The following MYL5 variants were observed in gnomAD, a reference collection of about 807,000 sequenced individuals.
The protein encoded by MYL5 is myosin regulatory light chain 5.
Under a neutral mutation model 20.8 loss-of-function variants are expected in MYL5, and 28 were observed. That is an observed-to-expected ratio of 1.35 (90% CI 1.00 to 1.84). The LOEUF (loss-of-function observed/expected upper bound fraction) is 1.84, where lower values mean the gene tolerates loss of function less well. MYL5 is among the 40% of genes most tolerant of loss of function. The pLI, the probability that MYL5 is intolerant of heterozygous loss-of-function variation, is 0.00. For synonymous variants in MYL5, 118 were observed against 87.4 expected (o/e 1.35, Z -1.95); for missense variants, 274 against 227.3 (o/e 1.21, Z -1.32).
chr4:677,894 TG>T, upstream of MYL5: 2 of 1,504,254 alleles, frequency 1.3e-6, no homozygotes, highest in Non-Finnish European at 1.8e-6. Context: ...TCCAGTCCCC[TG>T]GGGTAGCCCC....
chr4:681,173 A>AG (rs1386823863), intron 6 of MYL5, 33 bp downstream of exon 8: 2 of 1,592,032 alleles, frequency 1.3e-6, no homozygotes, highest in South Asian at 1.1e-5. Context: ...CAAGCCCACG[A>AG]GGGGAGGGCG....
upstream of MYL5, chr4:677,889 T>A (rs766859920): frequency 2.7e-6 from 4 of 1,459,084 alleles, no homozygotes. Flanking sequence ...AGCTGTCCAG[T>A]CCCCTGGGGT....
rs552759390 is a variant in MYL5 at position 680,912 on chromosome 4, C to A, written c.372-180C>A. The A allele has an allele frequency of 3.0e-4, 215 of 723,406 alleles. 1 individual carries two copies. The highest frequency in any genetic ancestry group is 1.6e-3 in the East Asian group (58 of 37,088). 44.8% of individuals were successfully genotyped at this position (723,406 alleles called of 1,614,324 possible). On this transcript the variant is annotated intron_variant, in intron 5 of 6. Coordinates refer to ENST00000400159, the Ensembl canonical transcript of MYL5. ...GCTCTGTCCCCATCAGCGGCTCCCC[C>A]AGAAGTGATGGCCCCTGAGTGTGTG... is the stretch of plus-strand genomic sequence containing the variant.
intron 4 of MYL5, 50 bp from the exon 7 acceptor site, chr4:680,459 C>A (rs1739346212): frequency 6.3e-7 from 1 of 1,589,804 alleles, no homozygotes; most frequent in African/African-American, 1.3e-5. Flanking sequence ...CCTTGGCAGC[C>A]ACGGGACTGC....
upstream of MYL5, chr4:675,867 T>C (rs1380123563): frequency 6.6e-6 from 1 of 152,286 alleles, no homozygotes. Flanking sequence ...GAGAATCTAA[T>C]GCCTGATGAA....
At chr4:680,363 A>G (rs1739332590) in intron 4 of MYL5, 146 bp from the exon 7 acceptor site, 1 of 857,100 alleles carries the variant, frequency 1.2e-6, no homozygotes, top group Non-Finnish European at 1.9e-6. Context: ...AGGAAAGGAG[A>G]AGGCCTTCAG....
Position 681,143 on chromosome 4 carries a change from C to T in MYL5, c.420+3C>T, listed in dbSNP as rs1247755844. 1.9e-6 allele frequency: 3 copies of T among 1,603,928 alleles called. No homozygotes were observed. Among genetic ancestry groups the T allele is most frequent in the Non-Finnish European group, 1.7e-6 (2 of 1,176,314 alleles). ...CTGACAAGATGACGGCGGAAGAGGT[C>T]TGGCCCGCGGCTTCCCTGCCAAGCC... On this transcript the variant is annotated splice_donor_region_variant and intron_variant, in intron 6 of 6. Transcript: ENST00000400159.
chr4:682,001 G>A lies in MYL5; in HGVS notation c.*7G>A, dbSNP rs756447805. The A allele has an allele frequency of 6.3e-6, 9 of 1,421,266 alleles. No homozygotes were observed. Among genetic ancestry groups the A allele is most frequent in the African/African-American group, 4.4e-5 (3 of 67,464 alleles). The allele number at this position is 1,421,266 out of a possible 1,614,324, so 88.0% of individuals were successfully genotyped here. A position where few individuals can be genotyped will look rare whatever the true frequency, so the allele number is the denominator to read the frequency against. The stretch of plus-strand genomic sequence containing the variant: ...GGAGGAGAAGGAGGAGTGAGACCCA[G>A]CCGGGTCAATAAACCTGGACGCTTG... On this transcript the variant is annotated 3_prime_UTR_variant, in exon 7 of 7. Transcript: ENST00000400159.
chr4:674,550 G>A (rs28540058), upstream of MYL5: 1 of 480,110 alleles, frequency 2.1e-6, no homozygotes, highest in Non-Finnish European at 3.7e-6. Context: ...TCCTTTCCCC[G>A]CAGGGCTGGG....
rs530770797 is a variant in MYL5 at position 678,411 on chromosome 4, T to C, written c.4-247T>C. 4.4e-5 allele frequency: 63 copies of C among 1,420,184 alleles called. No homozygotes were observed. In the East Asian group the frequency reaches 1.3e-3, roughly 30 times the overall value. The allele number at this position is 1,420,184 out of a possible 1,614,324, so 88.0% of individuals were successfully genotyped here. A position where few individuals can be genotyped will look rare whatever the true frequency, so the allele number is the denominator to read the frequency against. On this transcript the variant is annotated intron_variant, in intron 1 of 6. Transcript: ENST00000400159. ...ACGGCGATCCCTGACCACTGTGCTC[T>C]GTGGGCCTTCTGGAAGCCACTGTCC...
At chr4:680,764 A>C in intron 5 of MYL5, 177 bp downstream of exon 7, 2 of 691,806 alleles carry the variant, frequency 2.9e-6, no homozygotes, top group Non-Finnish European at 4.8e-6. Flanking sequence ...AGCCCTGCTC[A>C]CACAGGGACC....
chr4:681,110 G>A (rs1253453593), exon 6 of MYL5: 2 of 1,606,336 alleles, frequency 1.2e-6, no homozygotes, highest in African/African-American at 1.3e-5. Context: ...GTCTGCTGAT[G>A]TCCCAGGCTG....
intron 1 of MYL5, 184 bp from the exon 4 acceptor site, chr4:678,474 C>A: frequency 7.0e-7 from 1 of 1,433,318 alleles, no homozygotes; most frequent in Non-Finnish European, 9.1e-7. Context: ...ACACCTGCAG[C>A]CGTCCTGCCC....
chr4:680,198 C>T (rs1739312246), intron 4 of MYL5, among the ~76,000 whole-genome samples, 180 bp downstream of exon 6: 1 of 152,194 alleles, frequency 6.6e-6, no homozygotes, highest in Non-Finnish European at 1.5e-5. Flanking sequence ...TCAGGCCCGC[C>T]CTCCTGCCCC....
intron 6 of MYL5, among the ~76,000 whole-genome samples, chr4:681,478 G>C (rs1385847732): frequency 7.2e-6 from 1 of 138,540 alleles, no homozygotes; most frequent in East Asian, 2.4e-4. Flanking sequence ...CAGCGGGCGA[G>C]ACTAATGCCG....
chr4:675,752 AT>A (rs906526362), upstream of MYL5: 26 of 152,382 alleles, frequency 1.7e-4, no homozygotes, highest in African/African-American at 6.0e-4. Flanking sequence ...AGGGAGCATG[AT>A]TGCCCGAGCT....
At chr4:680,546 G>A (rs538213827) in exon 5 of MYL5, 2 of 1,613,622 alleles carry the variant, frequency 1.2e-6, no homozygotes, top group African/African-American at 2.7e-5. Context: ...ACGCCTTCAA[G>A]ATGCTGGACC....
chr4:680,410 C>T (rs1306969059), intron 4 of MYL5, 99 bp from the exon 7 acceptor site: 2 of 1,236,840 alleles, frequency 1.6e-6, no homozygotes, highest in Non-Finnish European at 2.4e-6. Flanking sequence ...TTGGAGTCTC[C>T]CCCTGCTTGG....
intron 3 of MYL5, 143 bp from the exon 6 acceptor site, chr4:679,771 C>T (rs1739256238): frequency 7.5e-6 from 5 of 664,064 alleles, no homozygotes; most frequent in South Asian, 1.9e-5. Flanking sequence ...CACCCACTGC[C>T]CCACGTGCCT....
Sources: allele counts gnomAD v4.1 joint callset (sites outside exome capture counted in the v4.1 genomes callset), GRCh38; gene constraint gnomAD v4.1.1; transcripts MANE v1.5; gene names NCBI Gene and HGNC (gene_info 2026-07-23, HGNC 2026-07-21).